Variants in FAT3 observed in about 807,000 individuals in gnomAD.
The protein encoded by FAT3 is FAT atypical cadherin 3.
A neutral mutation model predicts 310.2 loss-of-function variants in FAT3; 95 were observed. The observed-to-expected ratio is 0.31, with a 90% CI of 0.26 to 0.36. The LOEUF (loss-of-function observed/expected upper bound fraction) is 0.36, where lower values mean the gene tolerates loss of function less well. FAT3 is among the 10% of genes least tolerant of loss of function. The pLI, the probability that FAT3 is intolerant of heterozygous loss-of-function variation, is 1.00. For missense variants in FAT3, 5,408 were observed against 5,715.6 expected, an observed-to-expected ratio of 0.95 and a Z score of 1.74; for synonymous variants, 2,314 against 2,192.9, an observed-to-expected ratio of 1.06 and a Z score of -1.54.
At position 92,224,977 on chromosome 11, in the gene FAT3, C is replaced by T. The variant is rs978532576; in HGVS notation, c.-215C>T. Among the ~76,000 whole-genome samples, 2 of 152,120 alleles carry T rather than the reference C, an allele frequency of 1.3e-5. No homozygotes were observed. The highest frequency in any genetic ancestry group is 2.9e-5 in the Non-Finnish European group (2 of 68,018). ...TCGGCTCCCCTCCTCCGCTTGCGAACCCCCGGCGGCGGCGGCGGCGGCGTC... is the reference window on the plus strand; with the variant it reads ...TCGGCTCCCCTCCTCCGCTTGCGAATCCCCGGCGGCGGCGGCGGCGGCGTC... On this transcript the variant is annotated 5_prime_UTR_variant, in exon 1 of 28. Transcript: ENST00000525166.
chr11:92,346,496 G>A (rs1948425306), intron 1 of FAT3, among the ~76,000 whole-genome samples: 2 of 152,018 alleles, frequency 1.3e-5, no homozygotes, highest in South Asian at 4.2e-4. Context: ...TCTGTGAAAG[G>A]GTAGCTTTCA....
At chr11:92,674,767 G>A (rs1943236837) in intron 3 of FAT3, among the ~76,000 whole-genome samples, 1 of 152,018 alleles carries the variant, frequency 6.6e-6, no homozygotes, top group African/African-American at 2.4e-5. Flanking sequence ...ATGCTCAAGC[G>A]ATCTTCCCAC....
chr11:92,798,195 G>T lies in FAT3; in HGVS notation c.5182G>T (p.Ala1728Ser), dbSNP rs979116619. 3.1e-6 allele frequency: 5 copies of T among 1,613,784 alleles called. No homozygotes were observed. Among genetic ancestry groups the T allele is most frequent in the Non-Finnish European group, 4.2e-6 (5 of 1,179,858 alleles). ...TTCTGGAGTCATCACCACTCAGAAG[G>T]CCCTGGATTATGAGCGCACATCCTC... Reference protein sequence around the residue: ...PYSGVITTQKALDYERTSSYQ... With the variant: ...PYSGVITTQKSLDYERTSSYQ... The change falls in exon 10 of 28, where the codon GCC becomes TCC. Residue 1728 changes from alanine (A) to serine (S), a missense_variant. This residue lies in a region of FAT3 where 4,588 missense variants were observed against 4,809.8 expected (regional missense o/e 0.95). Transcript: ENST00000525166.
intron 1 of FAT3, chr11:92,336,347 T>C (rs1431693716): frequency 2.6e-6 from 1 of 390,458 alleles, no homozygotes; most frequent in Non-Finnish European, 4.9e-6. Flanking sequence ...GTACGGTCAG[T>C]TCCGGGGGCT....
At chr11:92,608,720 C>CAATAATAATAAT (rs9299904) in intron 3 of FAT3, among the ~76,000 whole-genome samples, 5,218 of 145,142 alleles carry the variant, frequency 0.036, 250 homozygotes, top group African/African-American at 0.11. Flanking sequence ...CTGAATTCAG[C>CAATAATAATAAT]AATAATAATA....
intron 1 of FAT3, among the ~76,000 whole-genome samples, chr11:92,335,398 T>C (rs2134555271): frequency 6.6e-6 from 1 of 152,240 alleles, no homozygotes; most frequent in East Asian, 1.9e-4. Flanking sequence ...CAGAAGGTGA[T>C]GTATTGTAAT....
intron 1 of FAT3, among the ~76,000 whole-genome samples, chr11:92,237,365 G>A (rs1486672685): frequency 6.6e-6 from 1 of 152,172 alleles, no homozygotes; most frequent in African/African-American, 2.4e-5. Flanking sequence ...GGCAAGCTGT[G>A]TAGATGATAC....
At chr11:92,699,568 C>T in intron 4 of FAT3, among the ~76,000 whole-genome samples, 1 of 152,172 alleles carries the variant, frequency 6.6e-6, no homozygotes, top group East Asian at 1.9e-4. Flanking sequence ...CTTAGTTGAG[C>T]ATCCCTAATT....
intron 3 of FAT3, among the ~76,000 whole-genome samples, chr11:92,545,195 C>G (rs1035604567): frequency 6.6e-6 from 1 of 152,148 alleles, no homozygotes; most frequent in Non-Finnish European, 1.5e-5. Context: ...TAGTTCTCTT[C>G]AAGGCCTTCC....
intron 2 of FAT3, among the ~76,000 whole-genome samples, chr11:92,414,243 A>G (rs1591255400): frequency 6.6e-6 from 1 of 152,208 alleles, no homozygotes; most frequent in Non-Finnish European, 1.5e-5. Flanking sequence ...GATCACGGAC[A>G]CCTGCCCCTT....
intron 2 of FAT3, among the ~76,000 whole-genome samples, chr11:92,420,264 C>G (rs995930710): frequency 6.6e-6 from 1 of 152,112 alleles, no homozygotes; most frequent in East Asian, 1.9e-4. Context: ...TTATTAGGAC[C>G]ACTTATGGAT....
At chr11:92,805,709 A>G (rs904833946) in intron 11 of FAT3, among the ~76,000 whole-genome samples, 1 of 152,346 alleles carries the variant, frequency 6.6e-6, no homozygotes, top group South Asian at 2.1e-4. Flanking sequence ...ACTTGTTTAT[A>G]TAAGTTTACA....
At chr11:92,473,076 C>T (rs1485178203) in intron 2 of FAT3, among the ~76,000 whole-genome samples, 3 of 152,188 alleles carry the variant, frequency 2.0e-5, no homozygotes, top group Non-Finnish European at 4.4e-5. Flanking sequence ...CTCCACTGAG[C>T]TGCAGCCTCC....
chr11:92,882,629 T>G, intron 23 of FAT3, 109 bp from the exon 24 acceptor site: 7 of 671,666 alleles, frequency 1.0e-5, no homozygotes, highest in East Asian at 4.1e-5. Flanking sequence ...ATCTGTACCC[T>G]TTAGGTGCAT....
chr11:92,891,017 C>T lies in FAT3; in HGVS notation c.13674C>T (p.Ser4558=), dbSNP rs762220532. ...DVSANCGFDD[S]EVAMSDYESV... Reference sequence around the variant, plus strand: ...CTGCCAACTGCGGCTTTGACGATTCCGAAGTAGCCATGAGTGACTACGAGA... The same window carrying T: ...CTGCCAACTGCGGCTTTGACGATTCTGAAGTAGCCATGAGTGACTACGAGA... Residue 4558 remains serine, a synonymous_variant, in exon 28 of 28, where the codon TCC becomes TCT. Coordinates refer to ENST00000525166, the MANE Select transcript of FAT3 (RefSeq NM_001367949.2). 22 of 1,613,758 alleles carry T rather than the reference C, an allele frequency of 1.4e-5. No individual in the cohort carries two copies. Among genetic ancestry groups the T allele is most frequent in the Admixed American group, 1.7e-5 (1 of 59,980 alleles).
At chr11:92,457,417 A>C (rs1002762507) in intron 2 of FAT3, among the ~76,000 whole-genome samples, 2 of 152,240 alleles carry the variant, frequency 1.3e-5, no homozygotes, top group South Asian at 4.1e-4. Flanking sequence ...GCAGGCTTGT[A>C]TTCACACTGG....
At chr11:92,670,587 G>A (rs181575112) in intron 3 of FAT3, among the ~76,000 whole-genome samples, 263 of 152,318 alleles carry the variant, frequency 1.7e-3, no homozygotes, top group Non-Finnish European at 3.0e-3. Context: ...GAGCCAGCTC[G>A]CAAGTGCCTG....
intron 1 of FAT3, among the ~76,000 whole-genome samples, chr11:92,243,640 G>T (rs956329746): frequency 5.3e-5 from 8 of 151,996 alleles, no homozygotes; most frequent in Non-Finnish European, 1.0e-4. Context: ...GCTTCACACT[G>T]ACTCTTGTCA....
intron 7 of FAT3, among the ~76,000 whole-genome samples, chr11:92,782,570 T>A (rs1008338774): frequency 5.9e-5 from 9 of 152,238 alleles, no homozygotes; most frequent in Non-Finnish European, 8.8e-5. Flanking sequence ...AGTAATTAAT[T>A]AATTAAAATA....
Sources: allele counts gnomAD v4.1 joint callset (sites outside exome capture counted in the v4.1 genomes callset), GRCh38; gene constraint gnomAD v4.1.1; regional missense constraint gnomAD v4.1.1; transcripts MANE v1.5; gene names NCBI Gene and HGNC (gene_info 2026-07-23, HGNC 2026-07-21).